The following LCP1 variants were observed in gnomAD, a reference collection of about 807,000 sequenced individuals.
The protein encoded by LCP1 is plastin-2.
A neutral mutation model predicts 72.0 loss-of-function variants in LCP1; 23 were observed. That is an observed-to-expected ratio of 0.32 (90% confidence interval 0.23 to 0.45). The LOEUF is 0.45. Among genes scored for constraint, LCP1 ranks in the 20% least tolerant of loss-of-function variants. The probability of loss-of-function intolerance (pLI) is 1.00; values close to 1 mark genes in which losing one functional copy is unlikely to be tolerated. For synonymous variants in LCP1, 245 were observed against 275.4 expected, an observed-to-expected ratio of 0.89 and a Z score of 1.09; for missense variants, 571 against 748.3, an observed-to-expected ratio of 0.76 and a Z score of 2.76.
At chr13:46,152,616 AC>A (rs1181031031) in intron 7 of LCP1, among the ~76,000 whole-genome samples, 163 bp downstream of exon 7, 5 of 152,302 alleles carry the variant, frequency 3.3e-5, no homozygotes, top group African/African-American at 9.6e-5. Flanking sequence ...TCATTAAAAA[AC>A]GTCTGGTCTG....
At chr13:46,178,703 C>A (rs1462579294) in intron 1 of LCP1, among the ~76,000 whole-genome samples, 3 of 152,102 alleles carry the variant, frequency 2.0e-5, no homozygotes, top group East Asian at 3.9e-4. Flanking sequence ...AGTATCATTT[C>A]ATTTGATATC....
At chr13:46,179,005 A>G (rs746943093) in intron 1 of LCP1, among the ~76,000 whole-genome samples, 3 of 152,258 alleles carry the variant, frequency 2.0e-5, no homozygotes, top group Admixed American at 6.5e-5. Context: ...AGAATAATCC[A>G]AAGTGACTAA....
At chr13:46,145,933 AAAAAAAAAAAAAAG>A (rs2045727899) in intron 10 of LCP1, among the ~76,000 whole-genome samples, 1 of 75,348 alleles carries the variant, frequency 1.3e-5, no homozygotes, top group African/African-American at 7.2e-5. Flanking sequence ...AAAAAAAAAA[AAAAAAAAAAAAAAG>A]AGGGCAAACG....
At chr13:46,132,941 T>C (rs1211538090) in intron 14 of LCP1, among the ~76,000 whole-genome samples, 1 of 152,110 alleles carries the variant, frequency 6.6e-6, no homozygotes, top group East Asian at 1.9e-4. Context: ...TCGGAAGGTG[T>C]TCCTCCCCCT....
chr13:46,152,987 G>T, intron 6 of LCP1, 42 bp from the exon 7 acceptor site: 1 of 1,569,892 alleles, frequency 6.4e-7, no homozygotes, highest in Non-Finnish European at 8.7e-7. Context: ...CTATGACTTT[G>T]TAGATGCCAA....
At chr13:46,141,762 C>A (rs976128146) in intron 13 of LCP1, among the ~76,000 whole-genome samples, 1 of 152,170 alleles carries the variant, frequency 6.6e-6, no homozygotes, top group Admixed American at 6.5e-5. Flanking sequence ...AAATGGAAAT[C>A]TTGATCTATA....
In LCP1 at chr13:46,158,541, G is replaced by A. The variant is rs754437941; in HGVS notation, c.339C>T (p.Gly113=). ...IGGTSEQSSV[G]TQHSYSEEEK... The stretch of plus-strand genomic sequence containing the variant: ...GCCTACCTGAATAGGAGTGTTGGGT[G>A]CCAACGCTAGACTGCTCTGAAGTAC... The change falls in exon 4 of 16, where the codon GGC becomes GGT. Residue 113 remains glycine (G), a synonymous_variant. Transcript: ENST00000323076. The A allele has an allele frequency of 6.2e-7, 1 of 1,614,116 alleles. No homozygotes were observed. The highest frequency in any genetic ancestry group is 2.2e-5 in the East Asian group (1 of 44,884).
chr13:46,143,672 T>C (rs760893832), intron 11 of LCP1, among the ~76,000 whole-genome samples: 5 of 152,210 alleles, frequency 3.3e-5, no homozygotes, highest in Non-Finnish European at 5.9e-5. Flanking sequence ...CGAAATAATC[T>C]GTACACCAAA....
At chr13:46,159,026 T>C in intron 2 of LCP1, 37 bp from the exon 3 acceptor site, 1 of 1,604,874 alleles carries the variant, frequency 6.2e-7, no homozygotes, top group Non-Finnish European at 8.5e-7. Flanking sequence ...TTCAGGACGA[T>C]TCAGGCAACA....
intron 1 of LCP1, among the ~76,000 whole-genome samples, chr13:46,175,759 T>C (rs2045926252): frequency 6.6e-6 from 1 of 152,182 alleles, no homozygotes; most frequent in Admixed American, 6.5e-5. Flanking sequence ...TTCCATATTT[T>C]CAAAGGGAAA....
At chr13:46,157,271 C>T (rs922425950) in intron 4 of LCP1, among the ~76,000 whole-genome samples, 1 of 151,220 alleles carries the variant, frequency 6.6e-6, no homozygotes, top group African/African-American at 2.4e-5. Context: ...TATATATACA[C>T]ATATAAATAC....
At chr13:46,136,771 G>C (rs1346490985) in intron 13 of LCP1, among the ~76,000 whole-genome samples, 1 of 152,158 alleles carries the variant, frequency 6.6e-6, no homozygotes, top group East Asian at 1.9e-4. Flanking sequence ...AGGTAGGTTA[G>C]TGCTTGCTTC....
intron 15 of LCP1, among the ~76,000 whole-genome samples, chr13:46,129,728 T>A (rs2138213149): frequency 6.6e-6 from 1 of 152,266 alleles, no homozygotes; most frequent in South Asian, 2.1e-4. Flanking sequence ...TACTTGTATC[T>A]TCTAGACCTG....
At chr13:46,131,358 A>G (rs887475172) in intron 14 of LCP1, among the ~76,000 whole-genome samples, 4 of 152,188 alleles carry the variant, frequency 2.6e-5, no homozygotes, top group Non-Finnish European at 5.9e-5. Context: ...AAAATAACAG[A>G]TGCCAGTGAG....
At chr13:46,136,515 A>G (rs1236533346) in intron 13 of LCP1, among the ~76,000 whole-genome samples, 3 of 152,188 alleles carry the variant, frequency 2.0e-5, no homozygotes, top group African/African-American at 7.2e-5. Context: ...GGGATAAGAA[A>G]GATGTTTAGT....
At chr13:46,175,851 G>T (rs1262330905) in intron 1 of LCP1, among the ~76,000 whole-genome samples, 1 of 152,202 alleles carries the variant, frequency 6.6e-6, no homozygotes, top group Non-Finnish European at 1.5e-5. Flanking sequence ...GTGCTCAACA[G>T]TGCAAAACTA....
chr13:46,162,252 TC>T (rs2045843313), intron 1 of LCP1, among the ~76,000 whole-genome samples: 1 of 62,300 alleles, frequency 1.6e-5, no homozygotes, highest in Non-Finnish European at 3.2e-5. Context: ...TCCCTCTCCC[TC>T]CCCCTCCCCC....
rs140768256 is a variant in LCP1 at position 46,152,432 on chromosome 13, T to A, written c.739+348A>T. ...CTTCACTATAGTATATGAATGTGAG[T>A]TGCTTACTTCGCAAAGTGCAAGTTA... On this transcript the variant is annotated intron_variant, in intron 7 of 15. Coordinates refer to ENST00000323076, the MANE Select transcript of LCP1 (RefSeq NM_002298.5). Among the ~76,000 whole-genome samples the A allele has an allele frequency of 2.3e-3, 348 of 152,268 alleles. 1 individual carries two copies. The highest frequency in any genetic ancestry group is 8.1e-3 in the African/African-American group (336 of 41,528).
chr13:46,156,400 G>T, intron 5 of LCP1, 38 bp downstream of exon 5: 4 of 1,605,870 alleles, frequency 2.5e-6, no homozygotes, highest in Non-Finnish European at 3.4e-6. Context: ...CTAGAAAATG[G>T]GCAATTCTTT....
Sources: gnomAD v4.1 joint callset for allele counts (sites outside exome capture counted in the v4.1 genomes callset) on GRCh38, gnomAD v4.1.1 for gene constraint, MANE v1.5 for transcripts, NCBI Gene and HGNC (gene_info 2026-07-23, HGNC 2026-07-21) for gene names.